MAG: variants seen among roughly 807,000 people sequenced by gnomAD.
The protein encoded by MAG is myelin associated glycoprotein.
A neutral mutation model predicts 60.7 loss-of-function variants in MAG; 30 were observed. That is an observed-to-expected ratio of 0.49 (90% CI 0.37 to 0.67). The LOEUF is 0.67. Ranked by LOEUF, MAG falls within the 30% of genes least tolerant of loss-of-function variation. The pLI is 0.00. For missense variants in MAG, 795 were observed against 851.7 expected (o/e 0.93, Z 0.83); for synonymous variants, 384 against 376.8 (o/e 1.02, Z -0.22).
intron 7 of MAG, among the ~76,000 whole-genome samples, chr19:35,309,058 G>T (rs906159763): frequency 4.6e-5 from 7 of 152,206 alleles, no homozygotes; most frequent in Non-Finnish European, 8.8e-5. Flanking sequence ...GCCATGATCT[G>T]ATTTATGTAT....
intron 1 of MAG, 65 bp from the exon 2 acceptor site, chr19:35,294,167 TGAA>T: frequency 2.7e-6 from 1 of 374,186 alleles, no homozygotes; most frequent in South Asian, 1.9e-5. Context: ...CAGGAGATAC[TGAA>T]GCGGGGGTGG....
At chr19:35,294,395 G>C (rs1203444786) in intron 2 of MAG, 105 bp downstream of exon 2, 1 of 399,584 alleles carries the variant, frequency 2.5e-6, no homozygotes, top group East Asian at 9.2e-5. Flanking sequence ...GGGGCATCAC[G>C]GTGACAAAGA....
intron 5 of MAG, 68 bp from the exon 6 acceptor site, chr19:35,300,079 G>C: frequency 6.8e-7 from 1 of 1,459,978 alleles, no homozygotes. Context: ...GCGGGGCCGG[G>C]CTGGGAGAGG....
chr19:35,294,246 G>A lies in MAG; in HGVS notation c.-68G>A, dbSNP rs2066379694. The A allele has an allele frequency of 2.3e-6, 1 of 435,842 alleles. No homozygotes were observed. The highest frequency in any genetic ancestry group is 4.6e-6 in the Non-Finnish European group (1 of 218,518). The allele number at this position is 435,842 out of a possible 1,614,324, so 27.0% of individuals were successfully genotyped here. ...CTTGTTGCATGCAGGTTGTCTGGCG[G>A]CTTCAGGTGGACCCAGAAGACGTCC... On this transcript the variant is annotated 5_prime_UTR_variant, in exon 2 of 11. Transcript: ENST00000392213.
intron 8 of MAG, 135 bp from the exon 9 acceptor site, chr19:35,310,412 G>T: frequency 1.2e-6 from 1 of 857,588 alleles, no homozygotes. Context: ...AGGAGGCTCC[G>T]TGCCAATCAG....
intron 6 of MAG, among the ~76,000 whole-genome samples, chr19:35,301,518 C>T (rs2066448259): frequency 6.6e-6 from 1 of 150,886 alleles, no homozygotes; most frequent in South Asian, 2.1e-4. Context: ...TGCAACCTCC[C>T]ACTTCCCTGT....
intron 10 of MAG, among the ~76,000 whole-genome samples, chr19:35,313,005 A>T (rs568578277): frequency 6.1e-4 from 93 of 152,236 alleles, no homozygotes; most frequent in Non-Finnish European, 1.3e-3. Flanking sequence ...AGCCATTGCA[A>T]TCCAGCCTGG....
chr19:35,303,630 G>GT (rs2066464256), intron 7 of MAG, among the ~76,000 whole-genome samples: 1 of 152,216 alleles, frequency 6.6e-6, no homozygotes, highest in Admixed American at 6.5e-5. Context: ...TCTGTGAGAG[G>GT]TGGAGGATAG....
rs760574518 is a variant in MAG, at chr19:35,295,798, A to G, written c.232A>G (p.Thr78Ala). 12 of 1,613,762 alleles carry G rather than the reference A, an allele frequency of 7.4e-6. 1 individual carries two copies. The South Asian group carries it at 1.3e-4, about 18-fold the overall frequency. Residue 78 changes from threonine (T) to alanine (A), a missense_variant, in exon 4 of 11, where the codon ACC (threonine) becomes GCC (alanine). By Grantham distance (58) the Thr-to-Ala change is moderately conservative (BLOSUM62 0). Coordinates refer to ENST00000392213, the MANE Select transcript of MAG (RefSeq NM_002361.4). This position sits in a 1 kb window ranked among gnomAD's most constrained non-coding sequence, Gnocchi z 5.8. ...NYPPVVFKSR[T>A]QVVHESFQGR... ...CCCCCCGGTGGTCTTCAAGTCGCGCACCCAAGTAGTCCACGAGAGCTTCCA... is the reference window on the plus strand; with the variant it reads ...CCCCCCGGTGGTCTTCAAGTCGCGCGCCCAAGTAGTCCACGAGAGCTTCCA...
At chr19:35,299,945 CCGTG>C in intron 5 of MAG, 95 bp downstream of exon 5, 2 of 1,023,840 alleles carry the variant, frequency 2.0e-6, no homozygotes, top group Non-Finnish European at 2.4e-6. Flanking sequence ...CGGGGCCGGG[CCGTG>C]ATGGGGGCGG....
rs556116958 is a variant in MAG at position 35,309,458 on chromosome 19, T to G, written c.1232-416T>G. Among the ~76,000 whole-genome samples the G allele has an allele frequency of 4.0e-5, 6 of 150,482 alleles. No homozygotes were observed. The East Asian group carries it at 7.7e-4, about 19-fold the overall frequency. On this transcript the variant is annotated intron_variant, in intron 7 of 10. Coordinates refer to ENST00000392213, the MANE Select transcript of MAG (RefSeq NM_002361.4). ...TTTCATTTTTGTTGTTGTTGTTGTT[T>G]GGGGTTTTTTTGAGACAGCGTCTCA... is the stretch of plus-strand genomic sequence containing the variant.
chr19:35,297,878 C>G (rs1051218238), intron 4 of MAG, among the ~76,000 whole-genome samples: 4 of 139,574 alleles, frequency 2.9e-5, no homozygotes, highest in Non-Finnish European at 4.7e-5. Flanking sequence ...CACAACACAC[C>G]AAACACACAC....
intron 7 of MAG, among the ~76,000 whole-genome samples, chr19:35,306,279 G>A (rs2066485337): frequency 6.7e-6 from 1 of 148,282 alleles, no homozygotes; most frequent in South Asian, 2.2e-4. Context: ...TGTGGATATT[G>A]GATGTCATCA....
intron 10 of MAG, 104 bp downstream of exon 10, chr19:35,312,121 C>G (rs2066532551): frequency 7.7e-7 from 1 of 1,303,286 alleles, no homozygotes; most frequent in Non-Finnish European, 1.1e-6. Flanking sequence ...GGAGCGGCCT[C>G]TCACAGGAGG....
In MAG at chr19:35,295,953, C is replaced by T; in HGVS notation, c.387C>T (p.Phe129=). 1 of 1,606,270 alleles carries T rather than the reference C, an allele frequency of 6.2e-7. No homozygotes were observed. Among genetic ancestry groups the T allele is most frequent in the South Asian group, 1.1e-5 (1 of 90,046 alleles). Residue 129 remains phenylalanine, a synonymous_variant, in exon 4 of 11, where the codon TTC becomes TTT. Transcript: ENST00000392213. The surrounding 1 kb of genome is among the most constrained non-coding windows in gnomAD (Gnocchi z 5.8). ...GDLGGYNQYT[F]SEHSVLDIVN... ...TGGGCGGCTACAACCAGTACACCTT[C>T]TCAGAGCACAGCGTCCTGGATATCG...
intron 7 of MAG, among the ~76,000 whole-genome samples, chr19:35,308,637 A>G (rs2066502465): frequency 6.6e-6 from 1 of 152,212 alleles, no homozygotes; most frequent in Non-Finnish European, 1.5e-5. Context: ...GCAATTCTGA[A>G]CATAAAGCTT....
chr19:35,310,825 G>A (rs2066521693), intron 9 of MAG, among the ~76,000 whole-genome samples, 182 bp downstream of exon 9: 1 of 152,204 alleles, frequency 6.6e-6, no homozygotes, highest in Non-Finnish European at 1.5e-5. Flanking sequence ...GCCCCTGCTG[G>A]TCAGGGGCAC....
chr19:35,300,464 G>A (rs937943351), intron 6 of MAG, 60 bp downstream of exon 6: 2 of 1,507,206 alleles, frequency 1.3e-6, no homozygotes, highest in African/African-American at 1.4e-5. Context: ...AAAGGGAAAG[G>A]GGCCTCATCC....
chr19:35,296,193 C>T (rs984355233), intron 4 of MAG, among the ~76,000 whole-genome samples: 5 of 152,200 alleles, frequency 3.3e-5, no homozygotes, highest in Admixed American at 1.3e-4. Flanking sequence ...TCTTGCTGCC[C>T]TCAGGGGGAA....
Sources: gnomAD v4.1 joint callset for allele counts (sites outside exome capture counted in the v4.1 genomes callset) on GRCh38, gnomAD v4.1.1 for gene constraint, Gnocchi (gnomAD v3.1) non-coding constraint, MANE v1.5 for transcripts, NCBI Gene and HGNC (gene_info 2026-07-23, HGNC 2026-07-21) for gene names.